The following CLYBL variants were observed in gnomAD, a reference collection of about 807,000 sequenced individuals.
The protein encoded by CLYBL is citramalyl-CoA lyase, mitochondrial.
CLYBL carries 31 observed loss-of-function variants against 38.9 expected under a neutral mutation model. The ratio of observed to expected loss-of-function variants is 0.80; its 90% CI spans 0.60 to 1.08. The LOEUF (loss-of-function observed/expected upper bound fraction) is 1.08. CLYBL is among the 50% of genes least tolerant of loss of function. The pLI is 0.00. For synonymous variants in CLYBL, 171 were observed against 158.6 expected (o/e 1.08, Z -0.59); for missense variants, 434 against 411.6 (o/e 1.05, Z -0.47).
chr13:99,682,246 T>G (rs1426771305), intron 1 of CLYBL, among the ~76,000 whole-genome samples: 1 of 151,164 alleles, frequency 6.6e-6, no homozygotes, highest in African/African-American at 2.4e-5. Flanking sequence ...TGGGTTCAAG[T>G]GATTCTCCTG....
At chr13:99,674,881 A>G (rs9513647) in intron 1 of CLYBL, among the ~76,000 whole-genome samples, 42,541 of 152,096 alleles carry the variant, frequency 0.28, 7,068 homozygotes, top group East Asian at 0.55. Context: ...AGAATCGACT[A>G]TTGAAAGCTG....
At chr13:99,727,019 C>T (rs553777102) in intron 1 of CLYBL, among the ~76,000 whole-genome samples, 10 of 152,118 alleles carry the variant, frequency 6.6e-5, no homozygotes, top group African/African-American at 2.2e-4. Context: ...ATTAGACAGG[C>T]ATGGTGTCAC....
At chr13:99,768,500 T>A (rs1390140055) in intron 1 of CLYBL, among the ~76,000 whole-genome samples, 1 of 25,408 alleles carries the variant, frequency 3.9e-5, no homozygotes, top group East Asian at 1.1e-3. Context: ...ACCTCTTTTT[T>A]TTTTTTTTTT....
intron 1 of CLYBL, among the ~76,000 whole-genome samples, chr13:99,675,576 T>C (rs1240995917): frequency 6.6e-6 from 1 of 152,218 alleles, no homozygotes; most frequent in Admixed American, 6.5e-5. Context: ...ACTTTCTGTC[T>C]TTCTATATTT....
At chr13:99,881,884 G>C (rs2052220408) in intron 7 of CLYBL, among the ~76,000 whole-genome samples, 1 of 152,160 alleles carries the variant, frequency 6.6e-6, no homozygotes, top group East Asian at 1.9e-4. Flanking sequence ...TTGAATTCTA[G>C]TATTTCTGGT....
intron 2 of CLYBL, among the ~76,000 whole-genome samples, chr13:99,784,449 C>CTCT (rs71121010): frequency 0.035 from 1,816 of 52,094 alleles, 116 homozygotes; most frequent in Non-Finnish European, 0.058. Context: ...AAAATTCTCT[C>CTCT]TTTTTTTTTT....
At chr13:99,866,082 G>A (rs1295923244) in intron 5 of CLYBL, among the ~76,000 whole-genome samples, 158 bp from the exon 6 acceptor site, 1 of 152,170 alleles carries the variant, frequency 6.6e-6, no homozygotes, top group African/African-American at 2.4e-5. Flanking sequence ...TGGCCTCCAC[G>A]CGTCCCTGTC....
rs185718361 is a variant in CLYBL at position 99,625,712 on chromosome 13, A to G, written c.62+18955A>G. ...ACAGAAAATTCTAAAACATACCAGTAGTATGAAGTAAGAGGCACCTATGGC... is the reference window on the plus strand; with the variant it reads ...ACAGAAAATTCTAAAACATACCAGTGGTATGAAGTAAGAGGCACCTATGGC... On this transcript the variant is annotated intron_variant, in intron 1 of 8. Transcript: ENST00000339105. 1.1e-4 allele frequency among the ~76,000 whole-genome samples: 17 copies of G among 152,384 alleles called. No individual in the cohort carries two copies. The East Asian group carries it at 2.9e-3, about 26-fold the overall frequency.
chr13:99,800,529 C>A (rs1263799977), intron 2 of CLYBL, among the ~76,000 whole-genome samples: 1 of 152,164 alleles, frequency 6.6e-6, no homozygotes, highest in Non-Finnish European at 1.5e-5. Context: ...GAAGCAAAAT[C>A]CCTGGCCTGG....
At chr13:99,622,328 C>T (rs990998580) in intron 1 of CLYBL, among the ~76,000 whole-genome samples, 7 of 152,232 alleles carry the variant, frequency 4.6e-5, no homozygotes, top group African/African-American at 1.7e-4. Context: ...TACCCATCCA[C>T]TGTTATAGAT....
intron 1 of CLYBL, among the ~76,000 whole-genome samples, chr13:99,723,347 A>T (rs1351343744): frequency 6.6e-6 from 1 of 152,252 alleles, no homozygotes; most frequent in African/African-American, 2.4e-5. Flanking sequence ...CAGAAACATC[A>T]AAAGGTAATT....
intron 2 of CLYBL, among the ~76,000 whole-genome samples, chr13:99,853,964 G>T (rs2051394145): frequency 6.6e-6 from 1 of 152,154 alleles, no homozygotes; most frequent in Non-Finnish European, 1.5e-5. Flanking sequence ...TTACACATTA[G>T]ATGAAATGAA....
rs371782189 is a variant in CLYBL at position 99,606,731 on chromosome 13, A to G, written c.36A>G (p.Gly12=). The change falls in exon 1 of 9, where the codon GGA becomes GGG. Residue 12 remains glycine, a synonymous_variant. Transcript: ENST00000339105. The part of the protein sequence containing the change: ...ALRLLRRAAR[G]AAAAALLRLK... ...GTCTGCTGCGGAGGGCGGCGCGCGG[A>G]GCTGCGGCGGCGGCGCTGCTGAGGC... The G allele has an allele frequency of 4.3e-4, 640 of 1,487,642 alleles. No individual in the cohort carries two copies. Among genetic ancestry groups the G allele is most frequent in the Non-Finnish European group, 5.0e-4 (557 of 1,125,208 alleles). The allele number at this position is 1,487,642 out of a possible 1,614,324, so 92.2% of individuals were successfully genotyped here. A position where few individuals can be genotyped will look rare whatever the true frequency, so the allele number is the denominator to read the frequency against.
At chr13:99,894,002 C>A (rs2052539064), downstream of CLYBL, 2 of 152,256 alleles carry the variant, frequency 1.3e-5, no homozygotes, top group South Asian at 2.1e-4. Context: ...AGGGTAGGAT[C>A]ATGAGACTAA....
At chr13:99,881,095 T>TA (rs1458901606) in intron 7 of CLYBL, among the ~76,000 whole-genome samples, 2 of 152,176 alleles carry the variant, frequency 1.3e-5, no homozygotes, top group Non-Finnish European at 2.9e-5. Flanking sequence ...TTCCCACTGT[T>TA]ACATTCTTAT....
At chr13:99,870,011 A>T (rs925618293) in intron 6 of CLYBL, among the ~76,000 whole-genome samples, 1 of 152,000 alleles carries the variant, frequency 6.6e-6, no homozygotes, top group African/African-American at 2.4e-5. Context: ...TAATGACTGC[A>T]TTATTTCACA....
chr13:99,696,400 T>A (rs2047979859), intron 1 of CLYBL, among the ~76,000 whole-genome samples: 1 of 152,052 alleles, frequency 6.6e-6, no homozygotes, highest in Non-Finnish European at 1.5e-5. Context: ...CAGCTAATTT[T>A]TAGTTTTTTT....
chr13:99,853,469 A>G (rs1354691452), intron 2 of CLYBL, among the ~76,000 whole-genome samples: 3 of 152,228 alleles, frequency 2.0e-5, no homozygotes, highest in Admixed American at 1.3e-4. Flanking sequence ...AGCACATACA[A>G]TTTTAAGCCA....
chr13:99,783,209 AT>A, intron 2 of CLYBL, among the ~76,000 whole-genome samples: 1 of 151,264 alleles, frequency 6.6e-6, no homozygotes, highest in Non-Finnish European at 1.5e-5. Context: ...CGCCCAGCTG[AT>A]TTTTGTATTT....
Sources: gnomAD v4.1 joint callset for allele counts (sites outside exome capture counted in the v4.1 genomes callset) on GRCh38, gnomAD v4.1.1 for gene constraint, MANE v1.5 for transcripts, NCBI Gene and HGNC (gene_info 2026-07-23, HGNC 2026-07-21) for gene names.